PPHLN1: variants seen among roughly 807,000 people sequenced by gnomAD.
PPHLN1 encodes the protein periphilin-1.
PPHLN1 carries 29 observed loss-of-function variants against 51.3 expected under a neutral mutation model. The observed-to-expected ratio is 0.57, with a 90% CI of 0.42 to 0.77. The LOEUF (loss-of-function observed/expected upper bound fraction) is 0.77, where lower values mean the gene tolerates loss of function less well. Ranked by LOEUF, PPHLN1 falls within the 30% of genes least tolerant of loss-of-function variation. The pLI, the probability that PPHLN1 is intolerant of heterozygous loss-of-function variation, is 0.00. For missense variants in PPHLN1, 436 were observed against 438.4 expected, an observed-to-expected ratio of 0.99 and a Z score of 0.05; for synonymous variants, 147 against 147.8, an observed-to-expected ratio of 0.99 and a Z score of 0.04.
At chr12:42,357,947 C>T (rs1043190508) in intron 4 of PPHLN1, among the ~76,000 whole-genome samples, 29 of 152,134 alleles carry the variant, frequency 1.9e-4, no homozygotes, top group African/African-American at 6.8e-4. Flanking sequence ...ATTTAGCTTC[C>T]ACTTATTAGT....
At chr12:42,374,039 T>C (rs1249318545) in intron 4 of PPHLN1, among the ~76,000 whole-genome samples, 5 of 152,164 alleles carry the variant, frequency 3.3e-5, no homozygotes, top group South Asian at 2.1e-4. Context: ...TCCCCAGTTA[T>C]GATAATCAAA....
chr12:42,401,345 A>G (rs925808067), intron 9 of PPHLN1, among the ~76,000 whole-genome samples: 5 of 152,172 alleles, frequency 3.3e-5, no homozygotes, highest in African/African-American at 1.2e-4. Context: ...TTCGTTTTTA[A>G]ACCTCTTTGG....
chr12:42,396,988 T>C (rs1005180297), intron 8 of PPHLN1, among the ~76,000 whole-genome samples: 1 of 148,212 alleles, frequency 6.7e-6, no homozygotes, highest in Non-Finnish European at 1.5e-5. Context: ...CAGTGAGCTG[T>C]GACTGCATCA....
intron 9 of PPHLN1, among the ~76,000 whole-genome samples, chr12:42,413,524 A>ATGTGTGTGTG (rs1397983458): frequency 3.6e-4 from 43 of 119,102 alleles, no homozygotes; most frequent in Non-Finnish European, 5.7e-4. Context: ...ATATATATGT[A>ATGTGTGTGTG]TATGTGTGTG....
chr12:42,347,036 C>CA (rs1354632468), intron 2 of PPHLN1: 1 of 152,256 alleles, frequency 6.6e-6, no homozygotes, highest in Non-Finnish European at 1.5e-5. Context: ...CAGGTGTGAG[C>CA]AGCTGCACCC....
chr12:42,349,267 C>G (rs2072839315), intron 2 of PPHLN1, among the ~76,000 whole-genome samples: 1 of 152,200 alleles, frequency 6.6e-6, no homozygotes, highest in African/African-American at 2.4e-5. Context: ...CGGTACTAAA[C>G]ACTTTGCATT....
At chr12:42,420,169 C>T (rs895063257) in intron 9 of PPHLN1, among the ~76,000 whole-genome samples, 8 of 152,154 alleles carry the variant, frequency 5.3e-5, no homozygotes, top group African/African-American at 1.9e-4. Flanking sequence ...TTTCCTGTCA[C>T]ACCTACACAA....
At chr12:42,337,267 C>CTTTTTTTT (rs569605996) in intron 2 of PPHLN1, among the ~76,000 whole-genome samples, 1 of 131,970 alleles carries the variant, frequency 7.6e-6, no homozygotes, top group Non-Finnish European at 1.7e-5. Context: ...TTTCTTTTTT[C>CTTTTTTTT]TTTTTTTTTT....
intron 9 of PPHLN1, among the ~76,000 whole-genome samples, chr12:42,430,072 G>A (rs1252594398): frequency 1.3e-5 from 2 of 152,142 alleles, no homozygotes; most frequent in Non-Finnish European, 2.9e-5. Flanking sequence ...CTGTTTAGGG[G>A]CTGATTGCCC....
In PPHLN1 at chr12:42,335,912, G is replaced by A; in HGVS notation, c.10G>A (p.Glu4Lys). ...TTACAGAAGAGACGAAATGTGGTCTGAGGGACGATATGAATATGAAAGAAT... is the reference window on the plus strand; with the variant it reads ...TTACAGAAGAGACGAAATGTGGTCTAAGGGACGATATGAATATGAAAGAAT... Reference protein sequence around the residue: MWSEGRYEYERIPR... With the variant: MWSKGRYEYERIPR... Residue 4 changes from glutamate to lysine, a missense_variant, in exon 2 of 10, where the codon GAG becomes AAG. Coordinates refer to ENST00000358314, the MANE Select transcript of PPHLN1 (RefSeq NM_201439.2). 6.3e-7 allele frequency: 1 copy of A among 1,583,950 alleles called. No individual in the cohort carries two copies. Among genetic ancestry groups the A allele is most frequent in the South Asian group, 1.2e-5 (1 of 86,108 alleles).
chr12:42,375,923 A>G (rs1286334115), intron 5 of PPHLN1, among the ~76,000 whole-genome samples: 12 of 152,192 alleles, frequency 7.9e-5, no homozygotes, highest in Non-Finnish European at 1.5e-5. Flanking sequence ...TTATACAATG[A>G]TGTCCCTGTC....
At chr12:42,349,534 C>T (rs2072891758) in intron 2 of PPHLN1, among the ~76,000 whole-genome samples, 4 of 152,042 alleles carry the variant, frequency 2.6e-5, no homozygotes, top group Admixed American at 2.6e-4. Flanking sequence ...CTCTGGTTTT[C>T]CTAGGCAGAG....
chr12:42,395,045 T>G (rs2078074783), intron 8 of PPHLN1, among the ~76,000 whole-genome samples: 1 of 152,134 alleles, frequency 6.6e-6, no homozygotes, highest in Non-Finnish European at 1.5e-5. Context: ...ATCTCAGGTT[T>G]TTATAAAAGC....
intron 5 of PPHLN1, among the ~76,000 whole-genome samples, chr12:42,381,088 C>T (rs2076721172): frequency 6.6e-6 from 1 of 152,114 alleles, no homozygotes; most frequent in African/African-American, 2.4e-5. Flanking sequence ...CATATGGAGT[C>T]CCTAAAGTAT....
At chr12:42,407,645 A>AAT (rs1039800398) in intron 9 of PPHLN1, among the ~76,000 whole-genome samples, 11 of 152,198 alleles carry the variant, frequency 7.2e-5, no homozygotes, top group Non-Finnish European at 1.5e-4. Context: ...GAGATACCAA[A>AAT]ATCCATGGAT....
In PPHLN1 at chr12:42,335,874, T is replaced by A. The variant is rs756096187; in HGVS notation, c.-20-9T>A. ...GTATAAAATCCATAATTCTTTTTTT[T>A]TTCTTTAGTGGCTTACAGAAGAGAC... is the stretch of plus-strand genomic sequence containing the variant. On this transcript the variant is annotated splice_polypyrimidine_tract_variant and intron_variant, in intron 1 of 9. Transcript: ENST00000358314. The A allele has an allele frequency of 2.7e-6, 4 of 1,494,290 alleles. No homozygotes were observed. The South Asian group carries it at 5.6e-5, about 21-fold the overall frequency. 92.6% of individuals were successfully genotyped at this position (1,494,290 alleles called of 1,614,324 possible). A position where few individuals can be genotyped will look rare whatever the true frequency, so the allele number is the denominator to read the frequency against.
At chr12:42,434,483 C>T (rs2082308584) in intron 9 of PPHLN1, among the ~76,000 whole-genome samples, 1 of 152,116 alleles carries the variant, frequency 6.6e-6, no homozygotes, top group Non-Finnish European at 1.5e-5. Context: ...TTTATAGTTG[C>T]CTGGTCAGAA....
intron 2 of PPHLN1, among the ~76,000 whole-genome samples, chr12:42,337,777 T>TTTTATTTTATTTTATTTTATTTTATTTA (rs759818493): frequency 2.1e-5 from 3 of 140,368 alleles, no homozygotes; most frequent in Admixed American, 7.4e-5. Context: ...TTTTATTTTA[T>TTTTATTTTATTTTATTTTATTTTATTTA]TTTATTTATT....
chr12:42,345,680 T>G (rs2072209521), intron 2 of PPHLN1, among the ~76,000 whole-genome samples: 1 of 151,264 alleles, frequency 6.6e-6, no homozygotes, highest in South Asian at 2.1e-4. Context: ...AAAATTGATA[T>G]CATTGATTGA....
Sources: allele counts gnomAD v4.1 joint callset (sites outside exome capture counted in the v4.1 genomes callset), GRCh38; gene constraint gnomAD v4.1.1; transcripts MANE v1.5; gene names NCBI Gene and HGNC (gene_info 2026-07-23, HGNC 2026-07-21).